Variants in PCNX1 observed in about 807,000 individuals in gnomAD.
The protein encoded by PCNX1 is pecanex 1.
A neutral mutation model predicts 242.2 loss-of-function variants in PCNX1; 78 were observed. The observed-to-expected ratio is 0.32, with a 90% confidence interval of 0.27 to 0.39. The LOEUF (loss-of-function observed/expected upper bound fraction) is 0.39, where lower values mean the gene tolerates loss of function less well. Ranked by LOEUF, PCNX1 falls within the 10% of genes least tolerant of loss-of-function variation. PCNX1 has a pLI of 1.00. For synonymous variants in PCNX1, 1,024 were observed against 1,032.9 expected (o/e 0.99, Z 0.17); for missense variants, 2,581 against 2,856.5 (o/e 0.90, Z 2.20).
chr14:71,042,547 C>G (rs945992570), intron 19 of PCNX1, among the ~76,000 whole-genome samples: 1 of 151,546 alleles, frequency 6.6e-6, no homozygotes, highest in Admixed American at 6.6e-5. Context: ...CCCTTTCAAT[C>G]TATGTGTGTG....
intron 7 of PCNX1, among the ~76,000 whole-genome samples, chr14:70,989,677 A>C (rs1172444836): frequency 1.3e-5 from 2 of 151,682 alleles, no homozygotes; most frequent in Non-Finnish European, 2.9e-5. Flanking sequence ...TTACAGGTGC[A>C]TACCACCCTG....
At chr14:70,956,145 T>C (rs2057985608) in intron 2 of PCNX1, among the ~76,000 whole-genome samples, 1 of 152,164 alleles carries the variant, frequency 6.6e-6, no homozygotes, top group Non-Finnish European at 1.5e-5. Context: ...AAAATGTCAA[T>C]AGTACTGAGT....
rs568168732 is a variant in PCNX1, at chr14:70,941,333, TAGTTTTCCTTCTAAC to T, written c.154-5578_154-5564del. ...TGGTGTGGATGTCCTTTCTATTTGT[TAGTTTTCCTTCTAAC>T]AGTCAGGACTCTCAGCTGCAGGTCT... is the stretch of plus-strand genomic sequence containing the variant. On this transcript the variant is annotated intron_variant, in intron 1 of 35. Coordinates refer to ENST00000304743, the MANE Select transcript of PCNX1 (RefSeq NM_014982.3). Among the ~76,000 whole-genome samples, 45 of 152,342 alleles carry T rather than the reference TAGTTTTCCTTCTAAC, an allele frequency of 3.0e-4. No homozygotes were observed. In the East Asian group the frequency reaches 8.5e-3, roughly 29 times the overall value.
intron 4 of PCNX1, 80 bp from the exon 5 acceptor site, chr14:70,968,941 G>GT (rs1351707010): frequency 1.5e-5 from 12 of 783,042 alleles, no homozygotes; most frequent in Non-Finnish European, 2.5e-5. Flanking sequence ...ACTCCTTGAT[G>GT]TATTAATACT....
intron 27 of PCNX1, among the ~76,000 whole-genome samples, chr14:71,075,378 G>A (rs958796219): frequency 6.6e-6 from 1 of 151,898 alleles, no homozygotes; most frequent in African/African-American, 2.4e-5. Flanking sequence ...TTTATGTTTG[G>A]CTTAACCTAA....
intron 3 of PCNX1, among the ~76,000 whole-genome samples, chr14:70,966,559 T>G (rs537228547): frequency 6.6e-6 from 1 of 152,282 alleles, no homozygotes; most frequent in Non-Finnish European, 1.5e-5. Context: ...CACACGTTCA[T>G]TCACCAGAAC....
At chr14:70,939,415 G>C (rs941387601) in intron 1 of PCNX1, among the ~76,000 whole-genome samples, 2 of 152,210 alleles carry the variant, frequency 1.3e-5, no homozygotes, top group Non-Finnish European at 2.9e-5. Context: ...GGAGCAGGTT[G>C]TACAGTTTCC....
At chr14:71,011,834 A>G in intron 10 of PCNX1, 1 of 291,510 alleles carries the variant, frequency 3.4e-6, no homozygotes, top group Non-Finnish European at 6.3e-6. Context: ...TGTTATATAT[A>G]GGAAGTAAAT....
At position 71,108,973 on chromosome 14, in the gene PCNX1, C is replaced by G. The variant is rs774407638; in HGVS notation, c.6671C>G (p.Ala2224Gly). 1.2e-6 allele frequency: 2 copies of G among 1,614,196 alleles called. No individual in the cohort carries two copies. The highest frequency in any genetic ancestry group is 1.7e-6 in the Non-Finnish European group (2 of 1,180,012). The change falls in exon 34 of 36, where the codon GCA (alanine) becomes GGA (glycine). Residue 2224 changes from alanine (A) to glycine (G), a missense_variant. Transcript: ENST00000304743. ...TEGGQSSATDAQPGNTLSPAN... is the reference protein window; with the variant it reads ...TEGGQSSATDGQPGNTLSPAN... Reference sequence around the variant, plus strand: ...GGAGGTCAGAGCAGTGCCACTGATGCACAGCCAGGCAACACCTTAAGTCCT... The same window carrying G: ...GGAGGTCAGAGCAGTGCCACTGATGGACAGCCAGGCAACACCTTAAGTCCT...
At chr14:71,015,318 TATTA>T (rs1398628262) in intron 11 of PCNX1, among the ~76,000 whole-genome samples, 5 of 152,222 alleles carry the variant, frequency 3.3e-5, no homozygotes, top group Admixed American at 6.5e-5. Flanking sequence ...TATTTTTTCT[TATTA>T]ATTAAATCTC....
chr14:71,031,002 GGTT>G (rs552622511), intron 16 of PCNX1, among the ~76,000 whole-genome samples: 18 of 152,234 alleles, frequency 1.2e-4, no homozygotes, highest in African/African-American at 4.3e-4. Context: ...TTCAGAAAAA[GGTT>G]GTTAATTTAA....
intron 30 of PCNX1, 66 bp from the exon 31 acceptor site, chr14:71,101,924 G>C (rs2062473157): frequency 1.2e-6 from 1 of 816,268 alleles, no homozygotes; most frequent in East Asian, 2.8e-5. Context: ...CTTTCACTTA[G>C]TAACTGTAGA....
At chr14:71,045,630 G>A (rs1309155995) in intron 20 of PCNX1, among the ~76,000 whole-genome samples, 4 of 152,000 alleles carry the variant, frequency 2.6e-5, no homozygotes, top group South Asian at 4.2e-4. Flanking sequence ...CCATATACAG[G>A]CAATCCAATC....
chr14:71,039,557 C>T (rs1307869116), intron 19 of PCNX1, among the ~76,000 whole-genome samples: 1 of 152,130 alleles, frequency 6.6e-6, no homozygotes, highest in East Asian at 1.9e-4. Flanking sequence ...GACATGCCAC[C>T]ATTTCTTCCA....
intron 1 of PCNX1, among the ~76,000 whole-genome samples, chr14:70,917,811 A>G (rs1774247561): frequency 6.6e-6 from 1 of 152,230 alleles, no homozygotes; most frequent in Non-Finnish European, 1.5e-5. Flanking sequence ...TTCTCTGGCT[A>G]TGAAAGGCCT....
chr14:71,033,154 A>G (rs2060436868), intron 16 of PCNX1, among the ~76,000 whole-genome samples: 1 of 152,256 alleles, frequency 6.6e-6, no homozygotes, highest in Non-Finnish European at 1.5e-5. Context: ...TCATGCATCA[A>G]AAGCAAATTA....
chr14:70,941,667 G>T (rs1312763324), intron 1 of PCNX1, among the ~76,000 whole-genome samples: 1 of 152,212 alleles, frequency 6.6e-6, no homozygotes, highest in Non-Finnish European at 1.5e-5. Context: ...TTGTCAGACA[G>T]GGACGTTTAA....
chr14:70,983,267 A>G (rs1215050940), intron 6 of PCNX1, among the ~76,000 whole-genome samples: 7 of 152,196 alleles, frequency 4.6e-5, no homozygotes, highest in Non-Finnish European at 1.0e-4. Flanking sequence ...AAATATCAGT[A>G]AGGATGTGCA....
intron 1 of PCNX1, among the ~76,000 whole-genome samples, chr14:70,928,984 T>C (rs1284604788): frequency 2.0e-5 from 3 of 152,190 alleles, no homozygotes; most frequent in African/African-American, 7.2e-5. Context: ...GATGAGTTAG[T>C]TTTGTAAAAG....
Sources: allele counts gnomAD v4.1 joint callset (sites outside exome capture counted in the v4.1 genomes callset), GRCh38; gene constraint gnomAD v4.1.1; transcripts MANE v1.5; gene names NCBI Gene and HGNC (gene_info 2026-07-23, HGNC 2026-07-21).